Variants in SERPINB2 observed in about 807,000 individuals in gnomAD.
SERPINB2 encodes the protein plasminogen activator inhibitor 2.
In SERPINB2, 28 loss-of-function variants were observed where a neutral mutation model predicts 39.4. The ratio of observed to expected loss-of-function variants is 0.71; its 90% CI spans 0.53 to 0.97. The LOEUF is 0.97. Ranked by LOEUF, SERPINB2 falls within the 50% of genes least tolerant of loss-of-function variation. The pLI, the probability that SERPINB2 is intolerant of heterozygous loss-of-function variation, is 0.00. For missense variants in SERPINB2, 557 were observed against 505.3 expected (o/e 1.10, Z -0.98); for synonymous variants, 209 against 175.1 (o/e 1.19, Z -1.53).
chr18:63,901,871 C>G lies in SERPINB2; in HGVS notation c.667C>G (p.Arg223Gly), dbSNP rs201195380. Residue 223 changes from arginine (R) to glycine (G), a missense_variant, in exon 6 of 8, where the codon CGT (arginine) becomes GGT (glycine). Transcript: ENST00000299502. ...EKKLNGLYPFRVNSAQRTPVQ... is the reference protein window; with the variant it reads ...EKKLNGLYPFGVNSAQRTPVQ... ...GAAACTAAATGGGCTTTATCCTTTC[C>G]GTGTAAACTCGGTATGAGACAACAA... 9.8e-5 allele frequency: 156 copies of G among 1,597,820 alleles called. No homozygotes were observed. The highest frequency in any genetic ancestry group is 1.3e-4 in the Non-Finnish European group (154 of 1,175,354).
intron 2 of SERPINB2, 86 bp from the exon 3 acceptor site, chr18:63,895,178 T>G: frequency 6.5e-7 from 1 of 1,540,082 alleles, no homozygotes; most frequent in African/African-American, 1.4e-5. Context: ...TCTAGGACCA[T>G]TTTAGAGCCA....
intron 5 of SERPINB2, among the ~76,000 whole-genome samples, chr18:63,899,384 GCA>G (rs1029026050): frequency 2.6e-5 from 4 of 152,110 alleles, no homozygotes; most frequent in South Asian, 2.1e-4. Flanking sequence ...ACAAAAATTT[GCA>G]CAGTTTTTTG....
At position 63,903,375 on chromosome 18, in the gene SERPINB2, T is replaced by G; in HGVS notation, c.*70T>G. Reference sequence around the variant, plus strand: ...TGTGCCTCAGAATTGCTATTTCAAATTGCCAAAAATTTAGAGATGTTTTCT... The same window carrying G: ...TGTGCCTCAGAATTGCTATTTCAAAGTGCCAAAAATTTAGAGATGTTTTCT... On this transcript the variant is annotated 3_prime_UTR_variant, in exon 8 of 8. Coordinates refer to ENST00000299502, the MANE Select transcript of SERPINB2 (RefSeq NM_002575.3). 1.4e-6 allele frequency: 2 copies of G among 1,416,360 alleles called. No individual in the cohort carries two copies. The highest frequency in any genetic ancestry group is 1.9e-6 in the Non-Finnish European group (2 of 1,074,538). 87.7% of individuals were successfully genotyped at this position (1,416,360 alleles called of 1,614,324 possible).
At position 63,902,583 on chromosome 18, in the gene SERPINB2, T is replaced by G. The variant is rs1462134043; in HGVS notation, c.843+15T>G. On this transcript the variant is annotated intron_variant, in intron 7 of 7. Transcript: ENST00000299502. The stretch of plus-strand genomic sequence containing the variant: ...GCTTGGAGCTGGTAAGACATTCAGA[T>G]ATTTAAGTTTCTGGGGCTATACCTA... 6.3e-7 allele frequency: 1 copy of G among 1,574,802 alleles called. No homozygotes were observed. Among genetic ancestry groups the G allele is most frequent in the East Asian group, 2.3e-5 (1 of 43,200 alleles).
intron 2 of SERPINB2, among the ~76,000 whole-genome samples, chr18:63,894,909 T>A (rs538139326): frequency 6.6e-6 from 1 of 152,230 alleles, no homozygotes; most frequent in Admixed American, 6.5e-5. Flanking sequence ...GAGTTAATCT[T>A]GTGACTTTCT....
chr18:63,897,322 A>T, intron 4 of SERPINB2, 103 bp downstream of exon 4: 1 of 1,388,892 alleles, frequency 7.2e-7, no homozygotes, highest in Non-Finnish European at 9.8e-7. Flanking sequence ...GCAGAGTTGG[A>T]ATTCCACACC....
At chr18:63,897,249 G>A (rs1382883124) in intron 4 of SERPINB2, 30 bp downstream of exon 4, 10 of 1,599,768 alleles carry the variant, frequency 6.3e-6, no homozygotes, top group Non-Finnish European at 8.5e-6. Context: ...GAAATGGCTG[G>A]ATCCCAAACA....
At chr18:63,899,531 A>G (rs151296690) in intron 5 of SERPINB2, among the ~76,000 whole-genome samples, 82 of 152,306 alleles carry the variant, frequency 5.4e-4, no homozygotes, top group Middle Eastern at 3.4e-3. Context: ...TTGTGTAAGT[A>G]TTTCATTCAT....
rs1440228762 is a variant in SERPINB2, at chr18:63,902,595, T to G, written c.843+27T>G. On this transcript the variant is annotated intron_variant, in intron 7 of 7. Transcript: ENST00000299502. ...TAAGACATTCAGATATTTAAGTTTC[T>G]GGGGCTATACCTACCTTTCGTGAGA... 5.4e-6 allele frequency: 5 copies of G among 919,230 alleles called. No individual in the cohort carries two copies. In the African/African-American group the frequency reaches 1.0e-4, roughly 19 times the overall value. The allele number at this position is 919,230 out of a possible 1,614,324, so 56.9% of individuals were successfully genotyped here. A position where few individuals can be genotyped will look rare whatever the true frequency, so the allele number is the denominator to read the frequency against.
chr18:63,902,490 A>C lies in SERPINB2; in HGVS notation c.765A>C (p.Glu255Asp). 1.2e-6 allele frequency: 2 copies of C among 1,613,572 alleles called. No homozygotes were observed. Among genetic ancestry groups the C allele is most frequent in the East Asian group, 4.5e-5 (2 of 44,852 alleles). ...YIEDLKAQIL[E>D]LPYAGDVSMF... ...AAGACCTAAAGGCTCAGATTCTAGA[A>C]CTCCCATATGCTGGAGATGTTAGCA... The change falls in exon 7 of 8, where the codon GAA (glutamate) becomes GAC (aspartate). Residue 255 changes from glutamate to aspartate, a missense_variant. Coordinates refer to ENST00000299502, the MANE Select transcript of SERPINB2 (RefSeq NM_002575.3).
At chr18:63,900,893 C>A (rs941091091) in intron 5 of SERPINB2, among the ~76,000 whole-genome samples, 25 of 152,104 alleles carry the variant, frequency 1.6e-4, no homozygotes, top group Non-Finnish European at 1.5e-5. Context: ...TACAAGCTTA[C>A]CAGCATTGTA....
Position 63,895,361 on chromosome 18 carries a change from G to A in SERPINB2, c.266G>A (p.Ser89Asn). Reference sequence around the variant, plus strand: ...TTCATGCAGCAGATCCAGAAGGGTAGTTATCCTGATGCGATTTTGCAGGTA... The same window carrying A: ...TTCATGCAGCAGATCCAGAAGGGTAATTATCCTGATGCGATTTTGCAGGTA... ...CGFMQQIQKG[S>N]YPDAILQAQA... The change falls in exon 3 of 8, where the codon AGT (serine) becomes AAT (asparagine). Residue 89 changes from serine to asparagine, a missense_variant. Ser to Asn is a conservative substitution (Grantham distance 46). Coordinates refer to ENST00000299502, the MANE Select transcript of SERPINB2 (RefSeq NM_002575.3). The A allele has an allele frequency of 6.2e-7, 1 of 1,614,080 alleles. No individual in the cohort carries two copies. The highest frequency in any genetic ancestry group is 8.5e-7 in the Non-Finnish European group (1 of 1,179,978).
chr18:63,902,329 C>A (rs931094516), intron 6 of SERPINB2, 75 bp from the exon 7 acceptor site: 3 of 1,298,112 alleles, frequency 2.3e-6, no homozygotes, highest in African/African-American at 3.0e-5. Flanking sequence ...TAGAACCAAT[C>A]CTCCTTTATG....
chr18:63,899,528 A>G (rs2049979860), intron 5 of SERPINB2, among the ~76,000 whole-genome samples: 1 of 152,208 alleles, frequency 6.6e-6, no homozygotes, highest in African/African-American at 2.4e-5. Flanking sequence ...GAATTGTGTA[A>G]GTATTTCATT....
At chr18:63,894,937 T>C (rs1012386066) in intron 2 of SERPINB2, among the ~76,000 whole-genome samples, 6 of 152,226 alleles carry the variant, frequency 3.9e-5, no homozygotes, top group Non-Finnish European at 7.3e-5. Flanking sequence ...ACTGGCATTT[T>C]TTTTTCAAGA....
At position 63,895,517 on chromosome 18, in the gene SERPINB2, G is replaced by T. The variant is rs143919626; in HGVS notation, c.288+134G>T. ...CACAGAAAGAAAACTAAGACTCAGA[G>T]TCATTAAGAAAAACATGTCCTAAGA... On this transcript the variant is annotated intron_variant, in intron 3 of 7. Coordinates refer to ENST00000299502, the MANE Select transcript of SERPINB2 (RefSeq NM_002575.3). 2.6e-6 allele frequency: 3 copies of T among 1,139,056 alleles called. No individual in the cohort carries two copies. In the East Asian group the frequency reaches 7.1e-5, roughly 27 times the overall value. The allele number at this position is 1,139,056 out of a possible 1,614,324, so 70.6% of individuals were successfully genotyped here.
Position 63,902,768 on chromosome 18 carries a change from A to G in SERPINB2, c.844-133A>G, listed in dbSNP as rs973393431. The G allele has an allele frequency of 3.5e-6, 4 of 1,150,530 alleles. No individual in the cohort carries two copies. In the African/African-American group the frequency reaches 4.7e-5, roughly 14 times the overall value. 71.3% of individuals were successfully genotyped at this position (1,150,530 alleles called of 1,614,324 possible). A position where few individuals can be genotyped will look rare whatever the true frequency, so the allele number is the denominator to read the frequency against. On this transcript the variant is annotated intron_variant, in intron 7 of 7. Transcript: ENST00000299502. ...TTACCTTCTTGTAAAAATCTGACCA[A>G]TCTGTTAACTTTCTATATCACCCAC...
intron 2 of SERPINB2, among the ~76,000 whole-genome samples, chr18:63,893,891 G>A (rs1417551175): frequency 1.3e-5 from 2 of 152,116 alleles, no homozygotes; most frequent in East Asian, 3.9e-4. Context: ...AGGGAATCAG[G>A]GCAAGAAGAG....
chr18:63,896,351 T>C (rs1308882767), intron 3 of SERPINB2, among the ~76,000 whole-genome samples: 3 of 152,192 alleles, frequency 2.0e-5, no homozygotes, highest in Admixed American at 2.0e-4. Flanking sequence ...GAAATAACCA[T>C]TCACTTTTGT....
Sources: allele counts gnomAD v4.1 joint callset (sites outside exome capture counted in the v4.1 genomes callset), GRCh38; gene constraint gnomAD v4.1.1; transcripts MANE v1.5; gene names NCBI Gene and HGNC (gene_info 2026-07-23, HGNC 2026-07-21).